The following SLC35F3 variants were observed in gnomAD, a reference collection of about 807,000 sequenced individuals.
SLC35F3 encodes the protein solute carrier family 35 member F3, also known as putative thiamine transporter SLC35F3.
SLC35F3 carries 25 observed loss-of-function variants against 49.9 expected under a neutral mutation model. The observed-to-expected ratio is 0.50, with a 90% CI of 0.37 to 0.70. The LOEUF is 0.70. SLC35F3 is among the 30% of genes least tolerant of loss of function. SLC35F3 has a pLI of 0.00. For missense variants in SLC35F3, 525 were observed against 639.8 expected, an observed-to-expected ratio of 0.82 and a Z score of 1.94; for synonymous variants, 275 against 265.4, an observed-to-expected ratio of 1.04 and a Z score of -0.35.
At chr1:234,187,370 C>T (rs1666657785) in intron 2 of SLC35F3, among the ~76,000 whole-genome samples, 1 of 152,162 alleles carries the variant, frequency 6.6e-6, no homozygotes, top group Admixed American at 6.5e-5. Context: ...TATGAAAGAG[C>T]AGCTCCAAGG....
At chr1:233,914,362 G>A (rs1227993891) in intron 2 of SLC35F3, among the ~76,000 whole-genome samples, 2 of 152,192 alleles carry the variant, frequency 1.3e-5, no homozygotes, top group African/African-American at 4.8e-5. Flanking sequence ...AGAGAGAGCA[G>A]TGGTGGTTTC....
intron 2 of SLC35F3, among the ~76,000 whole-genome samples, chr1:233,908,379 A>G (rs1278479762): frequency 3.3e-5 from 5 of 152,248 alleles, no homozygotes; most frequent in Admixed American, 2.0e-4. Context: ...ATGACCCAAT[A>G]TTCATTTGTA....
chr1:233,993,308 G>A (rs1292549911), intron 2 of SLC35F3, among the ~76,000 whole-genome samples: 1 of 152,096 alleles, frequency 6.6e-6, no homozygotes, highest in Non-Finnish European at 1.5e-5. Context: ...GAGATGGTCA[G>A]TTTTGCTGGG....
intron 2 of SLC35F3, among the ~76,000 whole-genome samples, chr1:234,026,540 G>A (rs980778651): frequency 1.3e-5 from 2 of 152,154 alleles, no homozygotes; most frequent in Non-Finnish European, 2.9e-5. Context: ...AGGTAGGTTG[G>A]CAACTCTTAA....
chr1:234,042,827 A>G (rs558946850), intron 2 of SLC35F3, among the ~76,000 whole-genome samples: 74 of 152,218 alleles, frequency 4.9e-4, no homozygotes, highest in Non-Finnish European at 8.7e-4. Context: ...AGGTGCACCT[A>G]GTAACAACTG....
intron 2 of SLC35F3, among the ~76,000 whole-genome samples, chr1:233,994,459 G>A (rs1558199790): frequency 6.6e-6 from 1 of 152,192 alleles, no homozygotes; most frequent in Non-Finnish European, 1.5e-5. Flanking sequence ...ATGTCAGAGT[G>A]TGGTGTGTAT....
At chr1:234,249,237 G>A (rs956880695) in intron 3 of SLC35F3, among the ~76,000 whole-genome samples, 6 of 152,278 alleles carry the variant, frequency 3.9e-5, no homozygotes, top group East Asian at 3.9e-4. Context: ...ACCTCCAGGC[G>A]TGTATACTGT....
intron 2 of SLC35F3, among the ~76,000 whole-genome samples, chr1:234,168,303 T>C (rs1338116088): frequency 6.6e-6 from 1 of 152,182 alleles, no homozygotes; most frequent in Non-Finnish European, 1.5e-5. Flanking sequence ...ATGGCCGGGG[T>C]ACTCCCCCAG....
intron 2 of SLC35F3, among the ~76,000 whole-genome samples, chr1:234,221,139 G>A (rs1667198704): frequency 6.6e-6 from 1 of 152,174 alleles, no homozygotes; most frequent in Non-Finnish European, 1.5e-5. Flanking sequence ...CCAAGAGAGG[G>A]TGATTTTGTG....
intron 2 of SLC35F3, among the ~76,000 whole-genome samples, chr1:234,209,360 A>G (rs1667018407): frequency 6.6e-6 from 1 of 152,070 alleles, no homozygotes; most frequent in Non-Finnish European, 1.5e-5. Flanking sequence ...CAGTTAGGCC[A>G]TAATAAAAAA....
chr1:234,146,566 A>T (rs1320654759), intron 2 of SLC35F3, among the ~76,000 whole-genome samples: 1 of 131,484 alleles, frequency 7.6e-6, no homozygotes, highest in East Asian at 2.4e-4. Context: ...ATCTCTGCTC[A>T]CTGCAACCTC....
chr1:233,988,134 C>T lies in SLC35F3; in HGVS notation c.283+82376C>T, dbSNP rs532296683. Among the ~76,000 whole-genome samples the T allele has an allele frequency of 6.6e-5, 10 of 152,166 alleles. No homozygotes were observed. The East Asian group carries it at 7.7e-4, about 12-fold the overall frequency. On this transcript the variant is annotated intron_variant, in intron 2 of 7. Transcript: ENST00000366618. ...GGTCTATGTGGGAGCTCTGAGAACA[C>T]GAGTGGTATTTATCAAGCAGTGAGC... is the stretch of plus-strand genomic sequence containing the variant.
chr1:234,157,595 T>C (rs140396394), intron 2 of SLC35F3, among the ~76,000 whole-genome samples: 1 of 152,308 alleles, frequency 6.6e-6, no homozygotes, highest in Non-Finnish European at 1.5e-5. Flanking sequence ...CGGGAAAGAT[T>C]TTGTTTTCAG....
At chr1:234,247,432 T>C (rs1265723434) in intron 3 of SLC35F3, among the ~76,000 whole-genome samples, 24 of 141,160 alleles carry the variant, frequency 1.7e-4, no homozygotes, top group East Asian at 1.6e-3. Context: ...GGTTGGTTGG[T>C]TGGTCCATTG....
chr1:234,107,400 T>C (rs1484819205), intron 2 of SLC35F3, among the ~76,000 whole-genome samples: 1 of 152,222 alleles, frequency 6.6e-6, no homozygotes. Flanking sequence ...TCAGCTATTA[T>C]GTTAAGCAAT....
At chr1:233,922,575 A>C (rs1662082831) in intron 2 of SLC35F3, among the ~76,000 whole-genome samples, 1 of 150,406 alleles carries the variant, frequency 6.6e-6, no homozygotes, top group South Asian at 2.1e-4. Flanking sequence ...AGATTGCAAA[A>C]ATTTTCTCCC....
intron 2 of SLC35F3, among the ~76,000 whole-genome samples, chr1:234,036,177 C>T (rs1664139164): frequency 6.6e-6 from 1 of 152,178 alleles, no homozygotes. Flanking sequence ...ATCCTCCACC[C>T]TCAGCCTCCC....
chr1:233,990,349 C>G (rs553395366), intron 2 of SLC35F3, among the ~76,000 whole-genome samples: 87 of 152,244 alleles, frequency 5.7e-4, no homozygotes, highest in African/African-American at 2.0e-3. Context: ...TTAGAGTAGA[C>G]TGACCTTGAT....
intron 2 of SLC35F3, among the ~76,000 whole-genome samples, chr1:234,114,781 G>GGC (rs1400561099): frequency 2.6e-5 from 4 of 152,166 alleles, no homozygotes; most frequent in Non-Finnish European, 4.4e-5. Context: ...GACACAAGAT[G>GGC]GCGCTAAAGG....
Sources: gnomAD v4.1 joint callset for allele counts (sites outside exome capture counted in the v4.1 genomes callset) on GRCh38, gnomAD v4.1.1 for gene constraint, MANE v1.5 for transcripts, NCBI Gene and HGNC (gene_info 2026-07-23, HGNC 2026-07-21) for gene names.